The following DPP10 variants were observed in gnomAD, a reference collection of about 807,000 sequenced individuals.
DPP10 encodes dipeptidyl peptidase like 10.
A neutral mutation model predicts 120.9 loss-of-function variants in DPP10; 33 were observed. That is an observed-to-expected ratio of 0.27 (90% CI 0.21 to 0.37). The LOEUF is 0.37. DPP10 is among the 10% of genes least tolerant of loss of function. DPP10 has a pLI of 1.00. For synonymous variants in DPP10, 337 were observed against 326.1 expected (o/e 1.03, Z -0.36); for missense variants, 816 against 942.8 (o/e 0.87, Z 1.76).
chr2:114,678,224 A>G (rs1698795130), intron 1 of DPP10, among the ~76,000 whole-genome samples: 2 of 152,078 alleles, frequency 1.3e-5, no homozygotes, highest in Admixed American at 1.3e-4. Flanking sequence ...AATTGATGAT[A>G]AAACCATGAG....
intron 1 of DPP10, among the ~76,000 whole-genome samples, chr2:114,549,762 G>T (rs1351487066): frequency 6.6e-6 from 1 of 151,556 alleles, no homozygotes; most frequent in African/African-American, 2.4e-5. Context: ...CATCCTGGTT[G>T]GAGACAGCTG....
intron 19 of DPP10, among the ~76,000 whole-genome samples, chr2:115,795,633 G>A (rs1290057930): frequency 6.6e-6 from 1 of 152,032 alleles, no homozygotes; most frequent in African/African-American, 2.4e-5. Flanking sequence ...TGGTAGAAGT[G>A]ATCTGTTTTC....
At chr2:115,004,401 C>T (rs1211557778) in intron 1 of DPP10, among the ~76,000 whole-genome samples, 1 of 152,206 alleles carries the variant, frequency 6.6e-6, no homozygotes, top group Non-Finnish European at 1.5e-5. Context: ...CGGTCTACAG[C>T]TCCCAGCCTG....
intron 1 of DPP10, among the ~76,000 whole-genome samples, chr2:114,544,691 C>T (rs972015979): frequency 7.9e-5 from 12 of 150,976 alleles, no homozygotes; most frequent in East Asian, 1.9e-4. Flanking sequence ...ATACATTAAG[C>T]GTAATAATTA....
At chr2:114,584,622 A>ACCTATGAGTGAGAACCTGCAGTGTTTG (rs1690803993) in intron 1 of DPP10, among the ~76,000 whole-genome samples, 1 of 131,412 alleles carries the variant, frequency 7.6e-6, no homozygotes, top group Admixed American at 9.1e-5. Context: ...TTCATTTCCC[A>ACCTATGAGTGAGAACCTGCAGTGTTTG]CCTATGAGTG....
chr2:114,686,005 T>C (rs1177122732), intron 1 of DPP10, among the ~76,000 whole-genome samples: 1 of 151,954 alleles, frequency 6.6e-6, no homozygotes. Context: ...CAGTACACTG[T>C]ATTTTCTTCC....
At chr2:115,665,745 G>A (rs1036381536) in intron 5 of DPP10, among the ~76,000 whole-genome samples, 2 of 151,742 alleles carry the variant, frequency 1.3e-5, no homozygotes, top group African/African-American at 4.8e-5. Flanking sequence ...TCTTCTCTTT[G>A]TATTTTAATT....
At chr2:115,247,804 C>T (rs538387494) in intron 1 of DPP10, among the ~76,000 whole-genome samples, 1 of 152,076 alleles carries the variant, frequency 6.6e-6, no homozygotes, top group East Asian at 1.9e-4. Flanking sequence ...AATAAAACAC[C>T]CCGTGAAAGA....
In DPP10 at chr2:115,136,164, G is replaced by GA. The variant is rs5833579; in HGVS notation, c.61-173065dup. Among the ~76,000 whole-genome samples, 201 of 150,682 alleles carry GA rather than the reference G, an allele frequency of 1.3e-3. 1 individual carries two copies. The highest frequency in any genetic ancestry group is 2.9e-3 in the African/African-American group (120 of 41,078). On this transcript the variant is annotated intron_variant, in intron 1 of 25. Coordinates refer to ENST00000410059, the MANE Select transcript of DPP10 (RefSeq NM_020868.6). ...AAACAGCAGCTACCTGGTTTATGCT[G>GA]AAAAAAAAAACAAACATGTAAATAG...
At chr2:115,119,531 A>T (rs1284114153) in intron 1 of DPP10, among the ~76,000 whole-genome samples, 1 of 152,186 alleles carries the variant, frequency 6.6e-6, no homozygotes, top group African/African-American at 2.4e-5. Context: ...CAAGAGTACA[A>T]GACTCAATTA....
intron 1 of DPP10, among the ~76,000 whole-genome samples, chr2:115,016,778 T>C (rs77450893): frequency 0.048 from 7,335 of 152,116 alleles, 267 homozygotes; most frequent in East Asian, 0.16. Flanking sequence ...TGCGGCACTA[T>C]TCACGATGGC....
chr2:114,469,589 G>C (rs1679731737), intron 1 of DPP10, among the ~76,000 whole-genome samples: 1 of 152,028 alleles, frequency 6.6e-6, no homozygotes. Context: ...TTAGCTGGGA[G>C]TGGTGGTGCA....
intron 1 of DPP10, among the ~76,000 whole-genome samples, chr2:114,516,077 A>C (rs1047581121): frequency 2.6e-5 from 4 of 152,196 alleles, no homozygotes; most frequent in African/African-American, 9.7e-5. Context: ...TCTCTGATTC[A>C]GTGGATCTGA....
chr2:114,946,461 G>T (rs1697353001), intron 1 of DPP10, among the ~76,000 whole-genome samples: 1 of 152,072 alleles, frequency 6.6e-6, no homozygotes, highest in East Asian at 1.9e-4. Context: ...AAATAGTTAA[G>T]ATGGTAAATT....
intron 1 of DPP10, among the ~76,000 whole-genome samples, chr2:115,000,072 T>C (rs1454848460): frequency 6.6e-6 from 1 of 152,002 alleles, no homozygotes; most frequent in East Asian, 1.9e-4. Context: ...AAACTCAGAA[T>C]CAAATTTCCA....
At chr2:114,631,342 A>G (rs933960514) in intron 1 of DPP10, among the ~76,000 whole-genome samples, 6 of 151,972 alleles carry the variant, frequency 3.9e-5, no homozygotes, top group African/African-American at 1.5e-4. Context: ...AGACAGCACC[A>G]CTCACTGCAG....
rs577473704 is a variant in DPP10, at chr2:114,509,350, A to G, written c.60+66512A>G. Among the ~76,000 whole-genome samples, 393 of 152,332 alleles carry G rather than the reference A, an allele frequency of 2.6e-3. 1 individual carries two copies. The highest frequency in any genetic ancestry group is 9.2e-3 in the African/African-American group (382 of 41,580). ...ACCTACCTACTTTAATAATAATTCTATTAATCCTTTCTTACATCGGATCAC... is the reference window on the plus strand; with the variant it reads ...ACCTACCTACTTTAATAATAATTCTGTTAATCCTTTCTTACATCGGATCAC... On this transcript the variant is annotated intron_variant, in intron 1 of 25. Transcript: ENST00000410059.
chr2:114,475,511 C>A (rs1415231376), intron 1 of DPP10, among the ~76,000 whole-genome samples: 2 of 152,086 alleles, frequency 1.3e-5, no homozygotes, highest in South Asian at 2.1e-4. Flanking sequence ...CTGTTCTTCT[C>A]TTTTCTCCCA....
chr2:114,652,889 G>A (rs748664181), intron 1 of DPP10, among the ~76,000 whole-genome samples: 1 of 151,796 alleles, frequency 6.6e-6, no homozygotes, highest in Non-Finnish European at 1.5e-5. Context: ...TCACTTAAAA[G>A]GAACAGGAAA....
Sources: allele counts gnomAD v4.1 joint callset (sites outside exome capture counted in the v4.1 genomes callset), GRCh38; gene constraint gnomAD v4.1.1; transcripts MANE v1.5; gene names NCBI Gene and HGNC (gene_info 2026-07-23, HGNC 2026-07-21).